SSUH2: variants seen among roughly 807,000 people sequenced by gnomAD.
The protein encoded by SSUH2 is protein SSUH2 homolog.
Under a neutral mutation model 55.3 loss-of-function variants are expected in SSUH2, and 47 were observed. That is an observed-to-expected ratio of 0.85 (90% CI 0.67 to 1.08). The LOEUF (loss-of-function observed/expected upper bound fraction) is 1.08. Ranked by LOEUF, SSUH2 falls within the 50% of genes least tolerant of loss-of-function variation. SSUH2 has a pLI of 0.00. For synonymous variants in SSUH2, 212 were observed against 191.5 expected, an observed-to-expected ratio of 1.11 and a Z score of -0.89; for missense variants, 535 against 490.7, an observed-to-expected ratio of 1.09 and a Z score of -0.85.
At chr3:8,655,820 A>G (rs1654810000) in intron 7 of SSUH2, among the ~76,000 whole-genome samples, 1 of 152,214 alleles carries the variant, frequency 6.6e-6, no homozygotes, top group Admixed American at 6.5e-5. Flanking sequence ...AAGGTAGAGC[A>G]GAAGACTCGG....
chr3:8,643,943 G>A (rs1258897907), intron 1 of SSUH2, among the ~76,000 whole-genome samples: 1 of 152,122 alleles, frequency 6.6e-6, no homozygotes, highest in Non-Finnish European at 1.5e-5. Flanking sequence ...GCCAGGACTT[G>A]AACCCTGGCC....
chr3:8,635,869 C>A lies in SSUH2; in HGVS notation c.29-12G>T. On this transcript the variant is annotated splice_polypyrimidine_tract_variant and intron_variant, in intron 1 of 11. Coordinates refer to ENST00000544814, the MANE Select transcript of SSUH2 (RefSeq NM_001256748.3). ...GAGGTCCACCACACCTGCAGAAAGA[C>A]AAGCATTCCTAAGCCTTGGGTAGGG... 3 of 1,535,498 alleles carry A rather than the reference C, an allele frequency of 2.0e-6. No individual in the cohort carries two copies. Among genetic ancestry groups the A allele is most frequent in the Non-Finnish European group, 2.6e-6 (3 of 1,146,518 alleles).
intron 7 of SSUH2, among the ~76,000 whole-genome samples, chr3:8,658,187 G>A (rs369337933): frequency 6.6e-6 from 1 of 152,236 alleles, no homozygotes; most frequent in African/African-American, 2.4e-5. Flanking sequence ...AAGAGATGAC[G>A]ACATGTGTAA....
At chr3:8,633,982 C>A in intron 3 of SSUH2, 187 bp from the exon 4 acceptor site, 2 of 1,604,200 alleles carry the variant, frequency 1.2e-6, no homozygotes, top group Non-Finnish European at 1.7e-6. Flanking sequence ...AGCGTGAGAA[C>A]GGGGCAGGTT....
upstream of SSUH2, among the ~76,000 whole-genome samples, chr3:8,649,316 C>T (rs578119486): frequency 6.6e-6 from 1 of 152,296 alleles, no homozygotes; most frequent in South Asian, 2.1e-4. Context: ...TCTCCTCATT[C>T]CCAGAGCAGG....
intron 3 of SSUH2, among the ~76,000 whole-genome samples, chr3:8,672,396 C>T (rs1004093119): frequency 4.0e-5 from 6 of 151,880 alleles, no homozygotes; most frequent in African/African-American, 1.5e-4. Context: ...GGGGTAATAT[C>T]ATCCTCTTTT....
At chr3:8,667,659 A>C (rs979895277) in intron 5 of SSUH2, among the ~76,000 whole-genome samples, 1 of 152,342 alleles carries the variant, frequency 6.6e-6, no homozygotes, top group South Asian at 2.1e-4. Flanking sequence ...TTACACAGGC[A>C]TGATTGATTA....
intron 4 of SSUH2, chr3:8,671,745 G>C (rs1473239303): frequency 6.6e-6 from 1 of 152,024 alleles, no homozygotes. Context: ...CCCAGGGTGT[G>C]AAACAAGGGT....
intron 11 of SSUH2, among the ~76,000 whole-genome samples, chr3:8,620,383 C>A (rs1006699493): frequency 6.6e-6 from 1 of 152,202 alleles, no homozygotes; most frequent in Non-Finnish European, 1.5e-5. Context: ...CTCTGCCTCC[C>A]GCCATGATTG....
Position 8,644,655 on chromosome 3 carries a change from C to G in SSUH2, c.28+76G>C, listed in dbSNP as rs1326153970. 19 of 1,291,402 alleles carry G rather than the reference C, an allele frequency of 1.5e-5. No individual in the cohort carries two copies. The East Asian group carries it at 4.8e-4, about 32-fold the overall frequency. The allele number at this position is 1,291,402 out of a possible 1,614,324, so 80.0% of individuals were successfully genotyped here. A position where few individuals can be genotyped will look rare whatever the true frequency, so the allele number is the denominator to read the frequency against. On this transcript the variant is annotated intron_variant, in intron 1 of 11. Transcript: ENST00000544814. Reference sequence around the variant, plus strand: ...ACATAACTTCCAACATATTAGAGGTCAGATTAGGTCCTCTTCAAATGCAGG... The same window carrying G: ...ACATAACTTCCAACATATTAGAGGTGAGATTAGGTCCTCTTCAAATGCAGG...
At chr3:8,637,444 CAT>C (rs879554756) in intron 1 of SSUH2, among the ~76,000 whole-genome samples, 19 of 152,330 alleles carry the variant, frequency 1.2e-4, no homozygotes, top group African/African-American at 4.1e-4. Context: ...CCTTCCCACA[CAT>C]GTTGCCTCAT....
At chr3:8,635,991 T>A in intron 1 of SSUH2, 134 bp from the exon 2 acceptor site, 1 of 688,222 alleles carries the variant, frequency 1.5e-6, no homozygotes, top group East Asian at 2.7e-5. Context: ...TCTGGCATCC[T>A]TAGGACACAG....
chr3:8,635,904 C>T (rs1335747889), intron 1 of SSUH2, 47 bp from the exon 2 acceptor site: 1 of 1,472,446 alleles, frequency 6.8e-7, no homozygotes, highest in East Asian at 2.5e-5. Flanking sequence ...GAGGCGAGGG[C>T]TGATGAGGGC....
At chr3:8,677,262 G>C (rs115264719) in exon 3 of SSUH2, 1 of 151,672 alleles carries the variant, frequency 6.6e-6, no homozygotes, top group Non-Finnish European at 1.5e-5. Flanking sequence ...GCCGAAGGCA[G>C]GTACCTTACT....
At chr3:8,628,957 G>A (rs550963418) in intron 7 of SSUH2, among the ~76,000 whole-genome samples, 4 of 152,332 alleles carry the variant, frequency 2.6e-5, no homozygotes, top group East Asian at 1.9e-4. Context: ...CTGGGTTCAC[G>A]CCTGTCTCCT....
chr3:8,661,252 C>T (rs1559509515), intron 6 of SSUH2, among the ~76,000 whole-genome samples: 1 of 152,368 alleles, frequency 6.6e-6, no homozygotes, highest in South Asian at 2.1e-4. Flanking sequence ...GCCTAGAACT[C>T]CGTTGCCCAG....
chr3:8,665,409 T>C (rs1403601232), intron 5 of SSUH2, among the ~76,000 whole-genome samples: 1 of 152,198 alleles, frequency 6.6e-6, no homozygotes, highest in Admixed American at 6.5e-5. Flanking sequence ...CATAGTCTGT[T>C]GACACAGGGA....
chr3:8,678,513 CGGG>C (rs1705615111), intron 2 of SSUH2, among the ~76,000 whole-genome samples: 3 of 113,162 alleles, frequency 2.7e-5, no homozygotes, highest in South Asian at 6.7e-4. Context: ...CCCCGCGAGG[CGGG>C]GACTGAGAGC....
At chr3:8,665,848 T>A (rs1294627194) in intron 5 of SSUH2, among the ~76,000 whole-genome samples, 1 of 152,212 alleles carries the variant, frequency 6.6e-6, no homozygotes, top group Non-Finnish European at 1.5e-5. Context: ...TCTTTCCTGG[T>A]CAAAGTGGCC....
Sources: allele counts gnomAD v4.1 joint callset (sites outside exome capture counted in the v4.1 genomes callset), GRCh38; gene constraint gnomAD v4.1.1; transcripts MANE v1.5; gene names NCBI Gene and HGNC (gene_info 2026-07-23, HGNC 2026-07-21).